Variants in KCND2 observed in about 807,000 individuals in gnomAD.
KCND2 encodes the protein potassium voltage-gated channel subfamily D member 2, also known as A-type voltage-gated potassium channel KCND2.
KCND2 carries 16 observed loss-of-function variants against 54.4 expected under a neutral mutation model. The observed-to-expected ratio is 0.29, with a 90% CI of 0.20 to 0.45. The LOEUF is 0.45. Ranked by LOEUF, KCND2 falls within the 20% of genes least tolerant of loss-of-function variation. KCND2 has a pLI of 1.00. For synonymous variants in KCND2, 317 were observed against 310.7 expected (o/e 1.02, Z -0.21); for missense variants, 486 against 824.2 (o/e 0.59, Z 5.02).
At chr7:120,565,954 A>G (rs1196894032) in intron 1 of KCND2, among the ~76,000 whole-genome samples, 1 of 152,124 alleles carries the variant, frequency 6.6e-6, no homozygotes, top group Non-Finnish European at 1.5e-5. Context: ...AAGTCATCCT[A>G]TTTATCAAGC....
At chr7:120,345,845 C>A (rs557968828) in intron 1 of KCND2, among the ~76,000 whole-genome samples, 2 of 152,196 alleles carry the variant, frequency 1.3e-5, no homozygotes, top group Non-Finnish European at 2.9e-5. Context: ...GTTTTTAATC[C>A]TTTTGAATAT....
At chr7:120,364,750 C>A (rs1800642844) in intron 1 of KCND2, among the ~76,000 whole-genome samples, 1 of 151,982 alleles carries the variant, frequency 6.6e-6, no homozygotes, top group African/African-American at 2.4e-5. Flanking sequence ...TCAAACATCA[C>A]CTGGGGAGTG....
At chr7:120,389,428 T>C (rs1801040958) in intron 1 of KCND2, among the ~76,000 whole-genome samples, 2 of 151,864 alleles carry the variant, frequency 1.3e-5, no homozygotes, top group Non-Finnish European at 2.9e-5. Context: ...AGTACAATAT[T>C]ATTAACTATG....
rs376123143 is a variant in KCND2, at chr7:120,299,293, A to G, written c.1115+23546A>G. Among the ~76,000 whole-genome samples, 163 of 152,346 alleles carry G rather than the reference A, an allele frequency of 1.1e-3. 1 individual carries two copies. The highest frequency in any genetic ancestry group is 3.4e-3 in the African/African-American group (141 of 41,584). ...AATAAGTAGACAGATGCCATTCACT[A>G]ACATAAATGAGTCACGATCAGTGAG... On this transcript the variant is annotated intron_variant, in intron 1 of 5. Coordinates refer to ENST00000331113, the MANE Select transcript of KCND2 (RefSeq NM_012281.3).
intron 1 of KCND2, among the ~76,000 whole-genome samples, chr7:120,543,284 C>T (rs2116384126): frequency 1.3e-5 from 2 of 151,832 alleles, no homozygotes; most frequent in South Asian, 2.1e-4. Context: ...AGTTTTATGA[C>T]CTCCAGGGTT....
intron 1 of KCND2, among the ~76,000 whole-genome samples, chr7:120,421,908 T>G (rs1275314355): frequency 6.6e-6 from 1 of 152,114 alleles, no homozygotes; most frequent in East Asian, 1.9e-4. Flanking sequence ...GTGGCCACTT[T>G]TCAGGGAGCT....
chr7:120,666,133 C>T (rs1791923437), intron 1 of KCND2, among the ~76,000 whole-genome samples: 1 of 151,970 alleles, frequency 6.6e-6, no homozygotes, highest in Admixed American at 6.6e-5. Context: ...GCCTGTCCAG[C>T]ATTATATCAT....
At chr7:120,362,111 C>T (rs898509361) in intron 1 of KCND2, among the ~76,000 whole-genome samples, 4 of 152,092 alleles carry the variant, frequency 2.6e-5, no homozygotes, top group African/African-American at 9.7e-5. Flanking sequence ...CATTTGATTG[C>T]AAGCCTTTCC....
chr7:120,404,591 G>C (rs1801321112), intron 1 of KCND2, among the ~76,000 whole-genome samples: 1 of 152,168 alleles, frequency 6.6e-6, no homozygotes, highest in Non-Finnish European at 1.5e-5. Flanking sequence ...TGTTAGTCCT[G>C]ATACCCGTGG....
intron 1 of KCND2, among the ~76,000 whole-genome samples, chr7:120,597,496 T>G (rs1792760281): frequency 6.6e-6 from 1 of 152,190 alleles, no homozygotes; most frequent in Non-Finnish European, 1.5e-5. Flanking sequence ...GAATGTCAGC[T>G]GATATAAATG....
At chr7:120,727,661 T>C (rs1166524908) in intron 1 of KCND2, among the ~76,000 whole-genome samples, 1 of 152,198 alleles carries the variant, frequency 6.6e-6, no homozygotes, top group Non-Finnish European at 1.5e-5. Context: ...AGAATTAACA[T>C]TTTTATGCAA....
intron 1 of KCND2, among the ~76,000 whole-genome samples, chr7:120,366,541 GAAAGAAAAGA>G (rs200325336): frequency 1.4e-5 from 2 of 145,336 alleles, no homozygotes; most frequent in Non-Finnish European, 3.0e-5. Flanking sequence ...AGAGAGGGAG[GAAAGAAAAGA>G]AAAGAAAAGA....
At chr7:120,325,994 T>C (rs1563010132) in intron 1 of KCND2, among the ~76,000 whole-genome samples, 1 of 152,130 alleles carries the variant, frequency 6.6e-6, no homozygotes, top group Non-Finnish European at 1.5e-5. Context: ...AAATTGATTT[T>C]TTAAAGACAT....
At chr7:120,456,518 C>T (rs941072366) in intron 1 of KCND2, among the ~76,000 whole-genome samples, 1 of 152,118 alleles carries the variant, frequency 6.6e-6, no homozygotes, top group Non-Finnish European at 1.5e-5. Context: ...TTTCTGTTTT[C>T]CTGGCTAATT....
intron 1 of KCND2, among the ~76,000 whole-genome samples, chr7:120,486,712 A>G (rs1802699719): frequency 6.6e-6 from 1 of 151,464 alleles, no homozygotes; most frequent in Admixed American, 6.6e-5. Context: ...CCTAGTTTGA[A>G]TAGCACTGGA....
At chr7:120,698,573 C>T (rs1792361023) in intron 1 of KCND2, among the ~76,000 whole-genome samples, 1 of 152,184 alleles carries the variant, frequency 6.6e-6, no homozygotes, top group Non-Finnish European at 1.5e-5. Flanking sequence ...GAGCTATAAG[C>T]TAGTCTACAT....
At chr7:120,614,255 C>T (rs544687809) in intron 1 of KCND2, among the ~76,000 whole-genome samples, 3 of 152,140 alleles carry the variant, frequency 2.0e-5, no homozygotes, top group Non-Finnish European at 4.4e-5. Flanking sequence ...TCAGGTGAGC[C>T]GCCCTCCTTG....
intron 1 of KCND2, among the ~76,000 whole-genome samples, chr7:120,338,617 T>C (rs1263539096): frequency 3.3e-5 from 5 of 152,118 alleles, no homozygotes; most frequent in African/African-American, 9.6e-5. Context: ...ATTTTTCTTA[T>C]AATGAGAAAA....
chr7:120,542,849 C>A (rs894761699), intron 1 of KCND2, among the ~76,000 whole-genome samples: 1 of 152,182 alleles, frequency 6.6e-6, no homozygotes, highest in African/African-American at 2.4e-5. Flanking sequence ...ATTTATTGCT[C>A]ACTTGCTATC....
Sources: gnomAD v4.1 joint callset for allele counts (sites outside exome capture counted in the v4.1 genomes callset) on GRCh38, gnomAD v4.1.1 for gene constraint, MANE v1.5 for transcripts, NCBI Gene and HGNC (gene_info 2026-07-23, HGNC 2026-07-21) for gene names.